The following BCL7C variants were observed in gnomAD, a reference collection of about 807,000 sequenced individuals.
The protein encoded by BCL7C is B-cell CLL/lymphoma 7 protein family member C.
In BCL7C, 8 loss-of-function variants were observed where a neutral mutation model predicts 26.2. The ratio of observed to expected loss-of-function variants is 0.30; its 90% CI spans 0.18 to 0.55. The LOEUF (loss-of-function observed/expected upper bound fraction) is 0.55, where lower values mean the gene tolerates loss of function less well. Ranked by LOEUF, BCL7C falls within the 20% of genes least tolerant of loss-of-function variation. BCL7C has a pLI of 0.93. For missense variants in BCL7C, 262 were observed against 298.5 expected, an observed-to-expected ratio of 0.88 and a Z score of 0.90; for synonymous variants, 90 against 116.5, an observed-to-expected ratio of 0.77 and a Z score of 1.47.
chr16:30,837,186 G>A lies in BCL7C; in HGVS notation c.529-2038C>T, dbSNP rs141284186. On this transcript the variant is annotated intron_variant, in intron 5 of 5. Transcript: ENST00000380317. ...CACTTATGTATATCCTTAATGCCCA[G>A]TTGTTGGTGCCTAATAGTGTTTACC... 5.8e-4 allele frequency among the ~76,000 whole-genome samples: 88 copies of A among 152,198 alleles called. 1 individual carries two copies. In the East Asian group the frequency reaches 0.015, roughly 26 times the overall value.
chr16:30,877,144 G>T (rs1337932429), intron 5 of BCL7C, among the ~76,000 whole-genome samples: 1 of 152,108 alleles, frequency 6.6e-6, no homozygotes, highest in Non-Finnish European at 1.5e-5. Context: ...CAGAGACTCC[G>T]CCCCCAGGGC....
chr16:30,841,065 G>A (rs1402249314), intron 5 of BCL7C, among the ~76,000 whole-genome samples: 1 of 152,098 alleles, frequency 6.6e-6, no homozygotes, highest in African/African-American at 2.4e-5. Flanking sequence ...ATACAGCCCT[G>A]GAAGAACTGA....
intron 5 of BCL7C, among the ~76,000 whole-genome samples, chr16:30,869,257 G>A (rs888685764): frequency 3.9e-5 from 6 of 152,092 alleles, no homozygotes; most frequent in Admixed American, 3.9e-4. Context: ...CACCCAGGCT[G>A]GAGTTCAGTG....
chr16:30,855,035 A>G (rs1301078817), intron 5 of BCL7C, among the ~76,000 whole-genome samples: 1 of 152,092 alleles, frequency 6.6e-6, no homozygotes, highest in Non-Finnish European at 1.5e-5. Context: ...TAATAACATA[A>G]TTAATCCTTT....
chr16:30,839,992 A>G (rs1311771105), intron 5 of BCL7C, among the ~76,000 whole-genome samples: 1 of 152,178 alleles, frequency 6.6e-6, no homozygotes, highest in Non-Finnish European at 1.5e-5. Context: ...TGGAGAGAAC[A>G]CATTTTCCCC....
At chr16:30,855,870 G>A (rs1383001566) in intron 5 of BCL7C, among the ~76,000 whole-genome samples, 1 of 151,112 alleles carries the variant, frequency 6.6e-6, no homozygotes, top group African/African-American at 2.4e-5. Context: ...AGACTAGCCT[G>A]ACCAACATGG....
At chr16:30,852,811 A>T (rs889267780) in intron 5 of BCL7C, among the ~76,000 whole-genome samples, 1 of 151,882 alleles carries the variant, frequency 6.6e-6, no homozygotes, top group Non-Finnish European at 1.5e-5. Context: ...AATTTTTTAA[A>T]CTTACTCTTT....
rs768400764 is a variant in BCL7C at position 30,888,934 on chromosome 16, T to G, written c.454A>C (p.Ile152Leu). The change falls in exon 5 of 6, where the codon ATA becomes CTA. Residue 152 changes from isoleucine to leucine, a missense_variant. Transcript: ENST00000215115. ...RLGQERDPGG[I>L]TAGSTDEPPM... Reference sequence around the variant, plus strand: ...GGTTCGTCGGTGCTGCCAGCAGTTATGCCCCCGGGATCTGGAACGTCAAGG... The same window carrying G: ...GGTTCGTCGGTGCTGCCAGCAGTTAGGCCCCCGGGATCTGGAACGTCAAGG... The G allele has an allele frequency of 9.3e-6, 15 of 1,613,984 alleles. No homozygotes were observed. The highest frequency in any genetic ancestry group is 1.7e-5 in the Admixed American group (1 of 60,016).
At chr16:30,833,838 C>T (rs2054555052) in exon 6 of BCL7C, 1 of 152,208 alleles carries the variant, frequency 6.6e-6, no homozygotes, top group South Asian at 2.1e-4. Flanking sequence ...AAAATGAATG[C>T]TCTCCATAAA....
chr16:30,893,001 T>A lies in BCL7C; in HGVS notation c.172-53A>T. ...CTCTTGGAAAGCCCCACCATACACCTAAGGAAACTGAGGCACTGAGAAGCA... is the reference window on the plus strand; with the variant it reads ...CTCTTGGAAAGCCCCACCATACACCAAAGGAAACTGAGGCACTGAGAAGCA... On this transcript the variant is annotated intron_variant, in intron 2 of 5. Coordinates refer to ENST00000215115, the MANE Select transcript of BCL7C (RefSeq NM_004765.4). The surrounding 1 kb of genome is among the most constrained non-coding windows in gnomAD (Gnocchi z 5.2). 6.6e-7 allele frequency: 1 copy of A among 1,526,660 alleles called. No individual in the cohort carries two copies. Among genetic ancestry groups the A allele is most frequent in the Non-Finnish European group, 9.0e-7 (1 of 1,116,800 alleles). 94.6% of individuals were successfully genotyped at this position (1,526,660 alleles called of 1,614,324 possible).
intron 5 of BCL7C, among the ~76,000 whole-genome samples, chr16:30,838,310 TG>T (rs1285884593): frequency 4.6e-5 from 7 of 152,202 alleles, no homozygotes; most frequent in Non-Finnish European, 1.0e-4. Context: ...ATTACGTGAG[TG>T]TATGTGTATA....
chr16:30,871,405 A>C (rs1041347794), intron 5 of BCL7C, among the ~76,000 whole-genome samples: 1 of 152,204 alleles, frequency 6.6e-6, no homozygotes. Flanking sequence ...GGAAATAATA[A>C]GAGTACTTAC....
intron 5 of BCL7C, among the ~76,000 whole-genome samples, chr16:30,846,042 T>C (rs377447241): frequency 2.0e-5 from 3 of 146,390 alleles, no homozygotes; most frequent in East Asian, 2.1e-4. Context: ...GAGGCAGAGG[T>C]TGTAGTGAGC....
At chr16:30,840,686 A>C (rs1423873645) in intron 5 of BCL7C, 3 of 152,244 alleles carry the variant, frequency 2.0e-5, no homozygotes, top group Non-Finnish European at 2.9e-5. Flanking sequence ...AAAGAGGTTT[A>C]ATTGACTCAC....
At chr16:30,873,985 A>G (rs1282299363) in intron 5 of BCL7C, among the ~76,000 whole-genome samples, 2 of 147,074 alleles carry the variant, frequency 1.4e-5, no homozygotes, top group African/African-American at 4.9e-5. Context: ...AGAGGAAGGT[A>G]TAGGTGTCAA....
chr16:30,850,213 AAAAAAAAAAAAAAAG>A (rs1309941277), intron 5 of BCL7C, among the ~76,000 whole-genome samples: 1 of 150,404 alleles, frequency 6.6e-6, no homozygotes, highest in African/African-American at 2.4e-5. Context: ...CCATCTCAAA[AAAAAAAAAAAAAAAG>A]AAAAGAAAAG....
chr16:30,875,055 T>G (rs1266309874), intron 5 of BCL7C, among the ~76,000 whole-genome samples: 1 of 152,182 alleles, frequency 6.6e-6, no homozygotes, highest in East Asian at 1.9e-4. Flanking sequence ...CTTTCCTGAC[T>G]GCATAACGGG....
rs375810095 is a variant in BCL7C at position 30,852,680 on chromosome 16, C to T, written c.529-17532G>A. 1.3e-4 allele frequency among the ~76,000 whole-genome samples: 19 copies of T among 151,674 alleles called. No individual in the cohort carries two copies. The East Asian group carries it at 2.3e-3, about 19-fold the overall frequency. On this transcript the variant is annotated intron_variant, in intron 5 of 5. Coordinates refer to the BCL7C transcript ENST00000380317. ...CTAATTTTTGTATTTTTAGTAGAGACGGGGTTTCACCATATTGGTCGGGCT... is the reference window on the plus strand; with the variant it reads ...CTAATTTTTGTATTTTTAGTAGAGATGGGGTTTCACCATATTGGTCGGGCT...
chr16:30,891,123 C>T lies in BCL7C; in HGVS notation c.442+1463G>A, dbSNP rs560362777. ...GGCAGAGTTTGCAGTGAGCCAAGATCGTACCACTGCTCTCCAGCCTGGGCA... is the reference window on the plus strand; with the variant it reads ...GGCAGAGTTTGCAGTGAGCCAAGATTGTACCACTGCTCTCCAGCCTGGGCA... On this transcript the variant is annotated intron_variant, in intron 4 of 5. Transcript: ENST00000215115. Among the ~76,000 whole-genome samples, 5 of 145,566 alleles carry T rather than the reference C, an allele frequency of 3.4e-5. No homozygotes were observed. In the South Asian group the frequency reaches 9.0e-4, roughly 26 times the overall value.
Sources: gnomAD v4.1 joint callset for allele counts (sites outside exome capture counted in the v4.1 genomes callset) on GRCh38, gnomAD v4.1.1 for gene constraint, Gnocchi (gnomAD v3.1) non-coding constraint, MANE v1.5 for transcripts, NCBI Gene and HGNC (gene_info 2026-07-23, HGNC 2026-07-21) for gene names.